SLC39A11: variants seen among roughly 807,000 people sequenced by gnomAD.
The protein encoded by SLC39A11 is zinc transporter ZIP11.
A neutral mutation model predicts 36.1 loss-of-function variants in SLC39A11; 33 were observed. That is an observed-to-expected ratio of 0.91 (90% CI 0.69 to 1.22). The LOEUF (loss-of-function observed/expected upper bound fraction) is 1.22, where lower values mean the gene tolerates loss of function less well. Ranked by LOEUF, SLC39A11 falls within the 50% of genes most tolerant of loss-of-function variation. The pLI is 0.00. For synonymous variants in SLC39A11, 166 were observed against 170.3 expected (o/e 0.97, Z 0.20); for missense variants, 432 against 430.3 (o/e 1.00, Z -0.03).
intron 5 of SLC39A11, among the ~76,000 whole-genome samples, chr17:72,853,782 C>T (rs969171912): frequency 2.6e-5 from 4 of 152,134 alleles, no homozygotes; most frequent in Non-Finnish European, 5.9e-5. Flanking sequence ...TATGATGCGT[C>T]GTGAGCAATG....
At chr17:72,727,018 A>G (rs2073958168) in intron 7 of SLC39A11, among the ~76,000 whole-genome samples, 1 of 152,202 alleles carries the variant, frequency 6.6e-6, no homozygotes, top group Non-Finnish European at 1.5e-5. Flanking sequence ...TGCTGTGCAC[A>G]GCCTGCTCTG....
chr17:72,757,456 T>G (rs113902216), intron 6 of SLC39A11, among the ~76,000 whole-genome samples: 4,493 of 152,222 alleles, frequency 0.03, 203 homozygotes, highest in African/African-American at 0.1. Flanking sequence ...CATGCTCTCC[T>G]AGAGCATCAC....
chr17:72,902,636 C>T (rs1186207128), intron 5 of SLC39A11, among the ~76,000 whole-genome samples: 1 of 152,204 alleles, frequency 6.6e-6, no homozygotes, highest in African/African-American at 2.4e-5. Context: ...ATGGCTGGTC[C>T]ATACCAGCAT....
intron 4 of SLC39A11, among the ~76,000 whole-genome samples, chr17:72,974,419 T>A (rs1179703375): frequency 3.0e-5 from 4 of 134,374 alleles, no homozygotes; most frequent in Non-Finnish European, 4.8e-5. Flanking sequence ...CATTTGTATC[T>A]TCATTTTGTA....
intron 6 of SLC39A11, among the ~76,000 whole-genome samples, chr17:72,763,819 T>C (rs1487727582): frequency 6.6e-6 from 1 of 152,196 alleles, no homozygotes; most frequent in African/African-American, 2.4e-5. Context: ...AAGGGCTTCA[T>C]GGAAAAACTG....
chr17:73,051,020 T>G (rs2059479626), intron 3 of SLC39A11, among the ~76,000 whole-genome samples: 1 of 152,186 alleles, frequency 6.6e-6, no homozygotes, highest in Non-Finnish European at 1.5e-5. Flanking sequence ...AACAAAAGAC[T>G]GCAAACTGAG....
chr17:72,706,451 C>T (rs2072897973), intron 7 of SLC39A11, among the ~76,000 whole-genome samples: 1 of 152,128 alleles, frequency 6.6e-6, no homozygotes, highest in Non-Finnish European at 1.5e-5. Flanking sequence ...GCGTGTCTTG[C>T]CAACTCTGTA....
Position 72,878,617 on chromosome 17 carries a change from C to A in SLC39A11, c.431-28813G>T, listed in dbSNP as rs187128010. On this transcript the variant is annotated intron_variant, in intron 5 of 9. Transcript: ENST00000255559. ...ACTTAAAACATCAACATCCCCTACA[C>A]CCCCTTTATTGCTGTATTTTTCTCC... is the stretch of plus-strand genomic sequence containing the variant. Among the ~76,000 whole-genome samples, 637 of 152,310 alleles carry A rather than the reference C, an allele frequency of 4.2e-3. 4 individuals carry two copies. Among genetic ancestry groups the A allele is most frequent in the African/African-American group, 0.015 (608 of 41,566 alleles).
At chr17:72,873,054 CAA>C (rs1197695347) in intron 5 of SLC39A11, among the ~76,000 whole-genome samples, 8 of 52,020 alleles carry the variant, frequency 1.5e-4, no homozygotes, top group Non-Finnish European at 1.6e-4. Flanking sequence ...GACTCCATCT[CAA>C]AAAAAAAAAA....
intron 7 of SLC39A11, among the ~76,000 whole-genome samples, chr17:72,714,410 G>T (rs1477990156): frequency 6.6e-6 from 1 of 151,802 alleles, no homozygotes; most frequent in African/African-American, 2.4e-5. Flanking sequence ...TTTTGCCAAT[G>T]AAATGGCAAA....
chr17:72,925,363 C>T (rs2452910), intron 5 of SLC39A11, among the ~76,000 whole-genome samples: 29,362 of 152,048 alleles, frequency 0.19, 6,585 homozygotes, highest in African/African-American at 0.55. Flanking sequence ...GAATTTATGT[C>T]GTATATAAAT....
intron 5 of SLC39A11, among the ~76,000 whole-genome samples, chr17:72,937,160 G>A (rs2084822549): frequency 6.6e-6 from 1 of 152,210 alleles, no homozygotes; most frequent in African/African-American, 2.4e-5. Flanking sequence ...CTCACTGGCA[G>A]TCAGATACAT....
chr17:72,807,457 T>A (rs1004649279), intron 6 of SLC39A11, among the ~76,000 whole-genome samples: 1 of 152,154 alleles, frequency 6.6e-6, no homozygotes, highest in Non-Finnish European at 1.5e-5. Context: ...ATAAGGTGAC[T>A]AACTTGAGGT....
chr17:72,980,916 A>C (rs12940644), intron 4 of SLC39A11, among the ~76,000 whole-genome samples: 23,182 of 151,412 alleles, frequency 0.15, 2,344 homozygotes, highest in African/African-American at 0.28. Flanking sequence ...CCCAGCCACT[A>C]TGGAGGCTGA....
intron 5 of SLC39A11, among the ~76,000 whole-genome samples, chr17:72,864,852 A>C (rs1324783241): frequency 6.6e-6 from 1 of 152,160 alleles, no homozygotes; most frequent in Non-Finnish European, 1.5e-5. Flanking sequence ...AAGATACAAG[A>C]AGCTCCAGGA....
chr17:72,720,311 T>C (rs1230294254), intron 7 of SLC39A11, among the ~76,000 whole-genome samples: 1 of 150,402 alleles, frequency 6.6e-6, no homozygotes, highest in African/African-American at 2.5e-5. Flanking sequence ...TGAAGGCCCC[T>C]TATAAAGCAC....
intron 5 of SLC39A11, among the ~76,000 whole-genome samples, chr17:72,914,310 C>T (rs1480599728): frequency 6.8e-6 from 1 of 147,856 alleles, no homozygotes; most frequent in African/African-American, 2.5e-5. Flanking sequence ...AGCGAGACTC[C>T]ATCTCGGGGG....
chr17:72,717,520 C>T (rs1047606874), intron 7 of SLC39A11, among the ~76,000 whole-genome samples: 6 of 152,150 alleles, frequency 3.9e-5, no homozygotes, highest in African/African-American at 1.4e-4. Context: ...CTAGTCTCTG[C>T]CTCCACTACC....
chr17:72,954,521 G>A (rs1008521725), intron 4 of SLC39A11, among the ~76,000 whole-genome samples: 5 of 152,232 alleles, frequency 3.3e-5, no homozygotes, highest in Admixed American at 3.3e-4. Context: ...CTGGGGCCCA[G>A]CATAGGTGCT....
Sources: gnomAD v4.1 joint callset for allele counts (sites outside exome capture counted in the v4.1 genomes callset) on GRCh38, gnomAD v4.1.1 for gene constraint, MANE v1.5 for transcripts, NCBI Gene and HGNC (gene_info 2026-07-23, HGNC 2026-07-21) for gene names.